The following AXDND1 variants were observed in gnomAD, a reference collection of about 807,000 sequenced individuals.
AXDND1 encodes the protein axonemal dynein light chain domain-containing protein 1.
In AXDND1, 110 loss-of-function variants were observed where a neutral mutation model predicts 137.5. That is an observed-to-expected ratio of 0.80 (90% CI 0.69 to 0.94). The LOEUF is 0.94. Among genes scored for constraint, AXDND1 ranks in the 40% least tolerant of loss-of-function variants. The probability of loss-of-function intolerance (pLI) is 0.00; values close to 1 mark genes in which losing one functional copy is unlikely to be tolerated. For synonymous variants in AXDND1, 414 were observed against 399.7 expected (o/e 1.04, Z -0.43); for missense variants, 1,191 against 1,169.8 (o/e 1.02, Z -0.26).
rs1160274198 is a variant in AXDND1, at chr1:179,366,435, G to C, written c.-75G>C. On this transcript the variant is annotated 5_prime_UTR_variant, in exon 2 of 26. Coordinates refer to ENST00000367618, the MANE Select transcript of AXDND1 (RefSeq NM_144696.6). ...GTGGCAGCCTGCAAGTCCCAGTGCG[G>C]CGCTGATTTGTGTCTAAATTAGCTT... 3.4e-6 allele frequency: 4 copies of C among 1,193,698 alleles called. No individual in the cohort carries two copies. The East Asian group carries it at 9.4e-5, about 28-fold the overall frequency. The allele number at this position is 1,193,698 out of a possible 1,614,324, so 73.9% of individuals were successfully genotyped here.
intron 13 of AXDND1, 131 bp downstream of exon 13, chr1:179,429,750 G>GA (rs1330689699): frequency 1.6e-5 from 7 of 448,814 alleles, no homozygotes; most frequent in Middle Eastern, 5.0e-4. Context: ...TGTACAGAAT[G>GA]AAAAATCTAT....
chr1:179,390,216 G>C (rs1049198005), intron 9 of AXDND1, among the ~76,000 whole-genome samples: 3 of 152,090 alleles, frequency 2.0e-5, no homozygotes, highest in Non-Finnish European at 4.4e-5. Context: ...GTTTTTCCAT[G>C]TTGGCTAGGC....
At chr1:179,519,085 G>GA (rs1374868732) in intron 21 of AXDND1, among the ~76,000 whole-genome samples, 11 of 152,232 alleles carry the variant, frequency 7.2e-5, no homozygotes, top group African/African-American at 2.6e-4. Context: ...TTGCCATTCT[G>GA]ACTGGTGTTA....
chr1:179,481,534 G>A (rs929310285), intron 17 of AXDND1, among the ~76,000 whole-genome samples: 1 of 152,130 alleles, frequency 6.6e-6, no homozygotes, highest in Non-Finnish European at 1.5e-5. Flanking sequence ...GGTATTTCTA[G>A]TTCTGGATCC....
intron 17 of AXDND1, among the ~76,000 whole-genome samples, chr1:179,476,566 T>TCA (rs1664657194): frequency 6.6e-6 from 1 of 150,892 alleles, no homozygotes; most frequent in Non-Finnish European, 1.5e-5. Flanking sequence ...GTTTTTTTTT[T>TCA]AAATCTGGGG....
In AXDND1 at chr1:179,491,732, G is replaced by C. The variant is rs752277308; in HGVS notation, c.2286G>C (p.Leu762Phe). The change falls in exon 19 of 26, where the codon TTG becomes TTC. Residue 762 changes from leucine (L) to phenylalanine (F), a missense_variant. By Grantham distance (22) the Leu-to-Phe change is conservative (BLOSUM62 0). Transcript: ENST00000367618. The part of the protein sequence containing the change: ...TRKLYQYSSY[L>F]SSCCKGMVTA... ...AGTTGTACCAATACTCCAGCTATTTGAGCAGGTGAAGCGGTTATTTTATTG... is the reference window on the plus strand; with the variant it reads ...AGTTGTACCAATACTCCAGCTATTTCAGCAGGTGAAGCGGTTATTTTATTG... 6.4e-7 allele frequency: 1 copy of C among 1,556,750 alleles called. No individual in the cohort carries two copies. The highest frequency in any genetic ancestry group is 8.7e-7 in the Non-Finnish European group (1 of 1,154,118).
chr1:179,480,434 G>T (rs899028993), intron 17 of AXDND1, among the ~76,000 whole-genome samples: 1 of 152,156 alleles, frequency 6.6e-6, no homozygotes, highest in African/African-American at 2.4e-5. Context: ...CCGCCCCCAT[G>T]ATTCAGTTAT....
chr1:179,468,534 A>G lies in AXDND1; in HGVS notation c.1890A>G (p.Glu630=). 1 of 1,612,904 alleles carries G rather than the reference A, an allele frequency of 6.2e-7. No individual in the cohort carries two copies. Among genetic ancestry groups the G allele is most frequent in the Non-Finnish European group, 8.5e-7 (1 of 1,179,338 alleles). ...ENLEFPDTPL[E]EWQEIDEKIN... ...TGGAGTTTCCTGATACGCCTCTTGAAGAATGGCAGGAAATAGATGAAAAAA... is the reference window on the plus strand; with the variant it reads ...TGGAGTTTCCTGATACGCCTCTTGAGGAATGGCAGGAAATAGATGAAAAAA... Residue 630 remains glutamate (E), a synonymous_variant, in exon 17 of 26, where the codon GAA becomes GAG. Transcript: ENST00000367618.
intron 20 of AXDND1, among the ~76,000 whole-genome samples, chr1:179,493,955 T>C (rs1558265848): frequency 6.6e-6 from 1 of 152,178 alleles, no homozygotes; most frequent in Non-Finnish European, 1.5e-5. Context: ...AGTCAGTCTT[T>C]TTAAAATTTT....
rs1364602573 is a variant in AXDND1, at chr1:179,415,956, CT to C, written c.1230+4694del. Among the ~76,000 whole-genome samples the C allele has an allele frequency of 8.5e-5, 13 of 152,262 alleles. No homozygotes were observed. In the Middle Eastern group the frequency reaches 0.01, roughly 120 times the overall value. On this transcript the variant is annotated intron_variant, in intron 12 of 25. Transcript: ENST00000367618. Reference sequence around the variant, plus strand: ...TTGTGGTAGATACATTTGATTTACTCTTTTCTAGCTATTTTAGAATGTGCAA... The same window carrying C: ...TTGTGGTAGATACATTTGATTTACTCTTTCTAGCTATTTTAGAATGTGCAA...
intron 25 of AXDND1, chr1:179,551,513 T>C: frequency 3.1e-6 from 5 of 1,596,068 alleles, no homozygotes; most frequent in Non-Finnish European, 3.4e-6. Flanking sequence ...TTCACCACTA[T>C]GCAGTATGAC....
chr1:179,485,522 A>G (rs1438994748), intron 18 of AXDND1, among the ~76,000 whole-genome samples: 1 of 152,192 alleles, frequency 6.6e-6, no homozygotes, highest in Non-Finnish European at 1.5e-5. Flanking sequence ...AAGAGGAGGA[A>G]AGACAAAAGA....
At chr1:179,482,301 T>G (rs992403535) in intron 17 of AXDND1, among the ~76,000 whole-genome samples, 4 of 151,944 alleles carry the variant, frequency 2.6e-5, no homozygotes, top group African/African-American at 9.7e-5. Context: ...AACCACTGCC[T>G]TACAAGCCCA....
intron 11 of AXDND1, among the ~76,000 whole-genome samples, chr1:179,406,266 G>A (rs1209761453): frequency 6.6e-6 from 1 of 152,064 alleles, no homozygotes. Context: ...GACTTATTTT[G>A]TGGCCTAATA....
At chr1:179,370,118 A>T in intron 4 of AXDND1, 40 bp downstream of exon 4, 2 of 1,496,344 alleles carry the variant, frequency 1.3e-6, no homozygotes, top group Non-Finnish European at 1.9e-6. Context: ...TGATAAATAG[A>T]GTTGTTTTCT....
chr1:179,526,637 A>G (rs1220783623), intron 22 of AXDND1, among the ~76,000 whole-genome samples: 1 of 152,222 alleles, frequency 6.6e-6, no homozygotes, highest in Non-Finnish European at 1.5e-5. Context: ...CAGGCTCTGA[A>G]ATAGGTCTTC....
At chr1:179,500,919 G>A (rs1281550482) in intron 20 of AXDND1, among the ~76,000 whole-genome samples, 4 of 152,134 alleles carry the variant, frequency 2.6e-5, no homozygotes, top group Non-Finnish European at 4.4e-5. Context: ...TGATCCACCC[G>A]TCTCAGCCTC....
At chr1:179,490,568 A>C (rs1666753636) in intron 18 of AXDND1, among the ~76,000 whole-genome samples, 1 of 152,326 alleles carries the variant, frequency 6.6e-6, no homozygotes, top group East Asian at 1.9e-4. Context: ...ATGTCCTAAC[A>C]ATTTATTAAC....
chr1:179,441,708 C>T (rs12730070), intron 15 of AXDND1, among the ~76,000 whole-genome samples: 44,582 of 152,042 alleles, frequency 0.29, 6,739 homozygotes, highest in Non-Finnish European at 0.31. Flanking sequence ...ATTTAGCGGC[C>T]TGTACACACT....
Sources: gnomAD v4.1 joint callset for allele counts (sites outside exome capture counted in the v4.1 genomes callset) on GRCh38, gnomAD v4.1.1 for gene constraint, MANE v1.5 for transcripts, NCBI Gene and HGNC (gene_info 2026-07-23, HGNC 2026-07-21) for gene names.